The following TCEANC variants were observed in gnomAD, a reference collection of about 807,000 sequenced individuals.
The protein encoded by TCEANC is transcription elongation factor A N-terminal and central domain-containing protein.
In TCEANC, 8 loss-of-function variants were observed where a neutral mutation model predicts 8.7. The observed-to-expected ratio is 0.92, with a 90% CI of 0.54 to 1.65. The LOEUF is 1.65. Among genes scored for constraint, TCEANC ranks in the 40% most tolerant of loss-of-function variants. TCEANC has a pLI of 0.00. For synonymous variants in TCEANC, 78 were observed against 92.9 expected (o/e 0.84, Z 0.92); for missense variants, 255 against 251.9 (o/e 1.01, Z -0.08).
exon 2 of TCEANC, chrX:13,662,968 G>T (rs1398842290): frequency 1.7e-6 from 2 of 1,209,178 alleles, no homozygotes; most frequent in African/African-American, 3.5e-5. Flanking sequence ...TTTTGGGGAT[G>T]GTGACCCTGA....
rs745843275 is a variant in TCEANC, at chrX:13,664,696, T to C, written c.*1132T>C. 13 of 123,154 alleles carry C rather than the reference T, an allele frequency of 1.1e-4. No homozygotes were observed. The South Asian group carries it at 4.5e-3, about 42-fold the overall frequency. The allele number at this position is 123,154 out of a possible 1,213,427, so 10.1% of individuals were successfully genotyped here. Reference sequence around the variant, plus strand: ...TAGTCTGTCAGAGGAAGCCCATCACTTTAGCCTTTGAATGTAGTAACAGAC... The same window carrying C: ...TAGTCTGTCAGAGGAAGCCCATCACCTTAGCCTTTGAATGTAGTAACAGAC... On this transcript the variant is annotated 3_prime_UTR_variant, in exon 2 of 2. Coordinates refer to ENST00000380600, the Ensembl canonical transcript of TCEANC.
exon 2 of TCEANC, chrX:13,665,160 G>A (rs2046006161): frequency 8.1e-6 from 1 of 124,098 alleles, no homozygotes; most frequent in African/African-American, 3.2e-5. Context: ...GATGCAACAT[G>A]TTTAGTCCTT....
At chrX:13,658,559 CTG>C (rs1300697410) in intron 1 of TCEANC, among the ~76,000 whole-genome samples, 1 of 67,539 alleles carries the variant, frequency 1.5e-5, no homozygotes, top group Non-Finnish European at 2.6e-5. Context: ...TCATGATAAA[CTG>C]TATACATTTA....
At chrX:13,662,696 C>T (rs1246448016) in exon 2 of TCEANC, 1 of 1,211,714 alleles carries the variant, frequency 8.3e-7, no homozygotes, top group East Asian at 3.0e-5. Context: ...CCCTCTGTGG[C>T]TTTGAAAAAG....
At chrX:13,653,738 T>C (rs1602671483), upstream of TCEANC, among the ~76,000 whole-genome samples, 1 of 111,934 alleles carries the variant, frequency 8.9e-6, no homozygotes, top group South Asian at 3.7e-4. Flanking sequence ...ATCTAGGTTA[T>C]TTTTGACTTG....
At chrX:13,657,610 C>T (rs1007535279) in intron 1 of TCEANC, among the ~76,000 whole-genome samples, 3 of 110,347 alleles carry the variant, frequency 2.7e-5, no homozygotes, top group African/African-American at 9.9e-5. Context: ...GAGTTCGAGA[C>T]CAGGCTGGCC....
chrX:13,657,996 C>T (rs764406784), intron 1 of TCEANC, among the ~76,000 whole-genome samples: 1 of 112,364 alleles, frequency 8.9e-6, no homozygotes, highest in Non-Finnish European at 1.9e-5. Flanking sequence ...GAAAATGCTA[C>T]AACATGGATG....
chrX:13,653,502 T>C (rs1321980966), upstream of TCEANC, among the ~76,000 whole-genome samples: 1 of 111,450 alleles, frequency 9.0e-6, no homozygotes, highest in African/African-American at 3.3e-5. Flanking sequence ...GTTGGGCTGG[T>C]CCCTTCCTCT....
exon 2 of TCEANC, chrX:13,662,870 A>G (rs924262305): frequency 1.7e-6 from 2 of 1,211,747 alleles, no homozygotes; most frequent in Admixed American, 2.2e-5. Flanking sequence ...TGCAGCTCGA[A>G]TTCTCTGTCT....
intron 1 of TCEANC, among the ~76,000 whole-genome samples, chrX:13,657,827 AC>A (rs1472001266): frequency 4.4e-4 from 36 of 82,021 alleles, no homozygotes; most frequent in African/African-American, 1.9e-3. Flanking sequence ...AAAAAAAAAA[AC>A]ACACACACAC....
At chrX:13,663,506 A>C in exon 2 of TCEANC, 3 of 1,172,720 alleles carry the variant, frequency 2.6e-6, no homozygotes, top group Non-Finnish European at 3.4e-6. Context: ...ATGATGACTT[A>C]CGTAATTTGT....
intron 1 of TCEANC, among the ~76,000 whole-genome samples, chrX:13,658,785 T>G (rs1432817852): frequency 9.0e-6 from 1 of 111,467 alleles, no homozygotes; most frequent in African/African-American, 3.3e-5. Context: ...TTAAGTACCC[T>G]TACATAACCA....
intron 1 of TCEANC, among the ~76,000 whole-genome samples, chrX:13,658,802 T>C (rs1412264908): frequency 8.9e-6 from 1 of 111,952 alleles, no homozygotes; most frequent in Non-Finnish European, 1.9e-5. Context: ...ACCAAGAGTC[T>C]GAGTCCTACA....
At chrX:13,657,067 CTG>C (rs2045928812) in intron 1 of TCEANC, among the ~76,000 whole-genome samples, 1 of 112,227 alleles carries the variant, frequency 8.9e-6, no homozygotes, top group Non-Finnish European at 1.9e-5. Flanking sequence ...TCCATGGGCT[CTG>C]TTTTATAGCA....
chrX:13,662,541 T>C (rs775026514), exon 2 of TCEANC: 6 of 1,211,228 alleles, frequency 5.0e-6, no homozygotes, highest in Non-Finnish European at 5.6e-6. Flanking sequence ...CTGCCAGAGC[T>C]TCTCTTATTG....
chrX:13,663,365 T>C (rs1338762464), exon 2 of TCEANC: 2 of 1,194,199 alleles, frequency 1.7e-6, no homozygotes, highest in Non-Finnish European at 2.3e-6. Flanking sequence ...CTTCCCCAAG[T>C]AATTGATGGC....
chrX:13,661,626 A>G (rs2045966925), intron 1 of TCEANC, among the ~76,000 whole-genome samples: 1 of 112,412 alleles, frequency 8.9e-6, no homozygotes, highest in Admixed American at 9.4e-5. Context: ...ACAGATAAAT[A>G]TAGATCCAAG....
At chrX:13,663,378 A>C in exon 2 of TCEANC, 1 of 1,193,651 alleles carries the variant, frequency 8.4e-7, no homozygotes, top group Non-Finnish European at 1.1e-6. Context: ...TTGATGGCAC[A>C]CAGACAAATA....
At chrX:13,664,982 C>T (rs760775573) in exon 2 of TCEANC, 2 of 123,774 alleles carry the variant, frequency 1.6e-5, no homozygotes, top group South Asian at 7.3e-4. Flanking sequence ...GCTCTGAAGG[C>T]CTAACTGTGT....
Sources: allele counts gnomAD v4.1 joint callset (sites outside exome capture counted in the v4.1 genomes callset), GRCh38; gene constraint gnomAD v4.1.1; transcripts MANE v1.5; gene names NCBI Gene and HGNC (gene_info 2026-07-23, HGNC 2026-07-21).